ASTN2: variants seen among roughly 807,000 people sequenced by gnomAD.
The protein encoded by ASTN2 is astrotactin-2.
ASTN2 carries 54 observed loss-of-function variants against 139.8 expected under a neutral mutation model. The ratio of observed to expected loss-of-function variants is 0.39; its 90% confidence interval spans 0.31 to 0.48. The LOEUF (loss-of-function observed/expected upper bound fraction) is 0.48. ASTN2 is among the 20% of genes least tolerant of loss of function. The pLI, the probability that ASTN2 is intolerant of heterozygous loss-of-function variation, is 0.95. For missense variants in ASTN2, 1,565 were observed against 1,725.1 expected, an observed-to-expected ratio of 0.91 and a Z score of 1.64; for synonymous variants, 756 against 719.5, an observed-to-expected ratio of 1.05 and a Z score of -0.81.
intron 2 of ASTN2, among the ~76,000 whole-genome samples, chr9:117,285,652 T>C (rs748285914): frequency 1.1e-4 from 16 of 152,216 alleles, no homozygotes; most frequent in Non-Finnish European, 1.6e-4. Flanking sequence ...TTAACTATTA[T>C]TCCTCTCTAA....
chr9:117,107,811 A>G (rs1829144372), intron 4 of ASTN2, among the ~76,000 whole-genome samples: 1 of 152,212 alleles, frequency 6.6e-6, no homozygotes. Flanking sequence ...TGTAGAATTG[A>G]TGCTTCTAAA....
chr9:117,319,265 TCCTC>T (rs1828243614), intron 1 of ASTN2, among the ~76,000 whole-genome samples: 2 of 152,066 alleles, frequency 1.3e-5, no homozygotes, highest in Non-Finnish European at 2.9e-5. Context: ...GTCCAATTCT[TCCTC>T]CCAGCAGCAC....
At chr9:117,024,340 A>T (rs1287765946) in intron 6 of ASTN2, among the ~76,000 whole-genome samples, 1 of 152,174 alleles carries the variant, frequency 6.6e-6, no homozygotes, top group African/African-American at 2.4e-5. Context: ...TTCAAAATAA[A>T]ATTGCAACCA....
At chr9:116,537,313 C>T (rs1851682587) in intron 19 of ASTN2, among the ~76,000 whole-genome samples, 1 of 152,114 alleles carries the variant, frequency 6.6e-6, no homozygotes, top group Admixed American at 6.6e-5. Flanking sequence ...TTTTACTTGG[C>T]CTTGTTGTTC....
At chr9:116,536,286 T>C (rs1176375114) in intron 19 of ASTN2, among the ~76,000 whole-genome samples, 1 of 151,880 alleles carries the variant, frequency 6.6e-6, no homozygotes, top group African/African-American at 2.4e-5. Flanking sequence ...TTTATCTTCT[T>C]TGCGATGGGT....
At chr9:117,394,885 G>C (rs1054452380) in intron 1 of ASTN2, among the ~76,000 whole-genome samples, 3 of 152,086 alleles carry the variant, frequency 2.0e-5, no homozygotes, top group Admixed American at 6.5e-5. Context: ...ATGAGAGAAA[G>C]ACAACCTTTG....
At chr9:116,787,277 C>A (rs191023010) in intron 13 of ASTN2, among the ~76,000 whole-genome samples, 5 of 152,224 alleles carry the variant, frequency 3.3e-5, no homozygotes, top group Non-Finnish European at 7.3e-5. Flanking sequence ...AGATCCCTGA[C>A]CTGCCTTTTC....
chr9:117,164,580 C>G (rs1830627465), intron 3 of ASTN2, among the ~76,000 whole-genome samples: 1 of 152,110 alleles, frequency 6.6e-6, no homozygotes, highest in Admixed American at 6.5e-5. Flanking sequence ...AGGTAGCCAG[C>G]AGGCTCTGAA....
At chr9:116,533,387 C>G (rs141840325) in intron 19 of ASTN2, among the ~76,000 whole-genome samples, 3,314 of 152,256 alleles carry the variant, frequency 0.022, 54 homozygotes, top group Non-Finnish European at 0.033. Context: ...GCCAGAACTC[C>G]CAACGCTATG....
intron 19 of ASTN2, chr9:116,583,249 A>G (rs1297286352): frequency 1.3e-5 from 2 of 152,202 alleles, no homozygotes; most frequent in Admixed American, 6.5e-5. Context: ...TGAAGAGAGA[A>G]CTTTTCTTGG....
chr9:117,083,220 A>T (rs1017665465), intron 5 of ASTN2, among the ~76,000 whole-genome samples: 8 of 151,542 alleles, frequency 5.3e-5, no homozygotes, highest in African/African-American at 1.9e-4. Flanking sequence ...TTATGCAAAT[A>T]AAAAAAAATG....
At chr9:116,843,516 AGGGGT>A (rs76578140) in intron 11 of ASTN2, among the ~76,000 whole-genome samples, 12,273 of 151,966 alleles carry the variant, frequency 0.081, 586 homozygotes, top group East Asian at 0.22. Context: ...CAAATTAGCC[AGGGGT>A]GGTGGCGGGC....
intron 1 of ASTN2, among the ~76,000 whole-genome samples, chr9:117,368,546 G>A (rs150103200): frequency 2.4e-3 from 359 of 152,242 alleles, no homozygotes; most frequent in Admixed American, 5.7e-3. Flanking sequence ...TTTGCAATGT[G>A]TGTAACAGGT....
intron 13 of ASTN2, among the ~76,000 whole-genome samples, chr9:116,787,736 C>A (rs183157881): frequency 6.6e-6 from 1 of 152,276 alleles, no homozygotes; most frequent in African/African-American, 2.4e-5. Context: ...GCCTGTTTAA[C>A]ATCATCCAGT....
chr9:116,698,615 T>C lies in ASTN2; in HGVS notation c.2806+27156A>G. 1 of 1,614,058 alleles carries C rather than the reference T, an allele frequency of 6.2e-7. No individual in the cohort carries two copies. Among genetic ancestry groups the C allele is most frequent in the Non-Finnish European group, 8.5e-7 (1 of 1,179,998 alleles). ...TAGGTCATGTTGGCCCCCTCCAAATTGGACAAGCTGTTAAGAAGCCCCGGA... is the reference window on the plus strand; with the variant it reads ...TAGGTCATGTTGGCCCCCTCCAAATCGGACAAGCTGTTAAGAAGCCCCGGA... On this transcript the variant is annotated intron_variant, in intron 16 of 22. Transcript: ENST00000313400. This position sits in a 1 kb window ranked among gnomAD's most constrained non-coding sequence, Gnocchi z 4.4.
chr9:117,058,521 A>G (rs967692738), intron 5 of ASTN2, among the ~76,000 whole-genome samples: 4 of 152,264 alleles, frequency 2.6e-5, no homozygotes, highest in African/African-American at 9.6e-5. Flanking sequence ...GTTAATATAA[A>G]TGAAATTTGT....
chr9:117,169,160 T>C lies in ASTN2; in HGVS notation c.1016-27682A>G, dbSNP rs190439625. Among the ~76,000 whole-genome samples the C allele has an allele frequency of 9.2e-5, 14 of 151,722 alleles. No homozygotes were observed. In the East Asian group the frequency reaches 2.7e-3, roughly 30 times the overall value. On this transcript the variant is annotated intron_variant, in intron 3 of 22. Coordinates refer to ENST00000313400, the MANE Select transcript of ASTN2 (RefSeq NM_001365068.1). ...GGTTGCTAATGGGGGAATTAGAGCA[T>C]AGCTAAATCTCTCTTGCCTGAGGGA...
Position 116,964,154 on chromosome 9 carries a change from G to A in ASTN2, c.1889+11054C>T, listed in dbSNP as rs139193554. ...GAGAGGCAAAGGAGTTGAACCTAAG[G>A]TACAGATCAATTAATTATTCATTGA... On this transcript the variant is annotated intron_variant, in intron 10 of 22. Coordinates refer to ENST00000313400, the MANE Select transcript of ASTN2 (RefSeq NM_001365068.1). Among the ~76,000 whole-genome samples, 410 of 151,176 alleles carry A rather than the reference G, an allele frequency of 2.7e-3. 2 individuals carry two copies. Among genetic ancestry groups the A allele is most frequent in the African/African-American group, 9.8e-3 (404 of 41,130 alleles).
intron 5 of ASTN2, among the ~76,000 whole-genome samples, chr9:117,066,438 T>C (rs1029094837): frequency 4.7e-5 from 7 of 147,872 alleles, no homozygotes; most frequent in African/African-American, 1.5e-4. Flanking sequence ...TTTGGGTTGG[T>C]TCCAAGTCTT....
Sources: gnomAD v4.1 joint callset for allele counts (sites outside exome capture counted in the v4.1 genomes callset) on GRCh38, gnomAD v4.1.1 for gene constraint, Gnocchi (gnomAD v3.1) non-coding constraint, MANE v1.5 for transcripts, NCBI Gene and HGNC (gene_info 2026-07-23, HGNC 2026-07-21) for gene names.